Variants in GMDS observed in about 807,000 individuals in gnomAD.
GMDS encodes the protein GDP-mannose 4,6 dehydratase.
GMDS carries 20 observed loss-of-function variants against 49.9 expected under a neutral mutation model. The ratio of observed to expected loss-of-function variants is 0.40; its 90% CI spans 0.28 to 0.58. The LOEUF is 0.58. Among genes scored for constraint, GMDS ranks in the 20% least tolerant of loss-of-function variants. The pLI is 0.42. For synonymous variants in GMDS, 177 were observed against 178.6 expected, an observed-to-expected ratio of 0.99 and a Z score of 0.07; for missense variants, 362 against 481.4, an observed-to-expected ratio of 0.75 and a Z score of 2.32.
intron 4 of GMDS, among the ~76,000 whole-genome samples, chr6:2,047,469 A>C (rs1770090341): frequency 6.6e-6 from 1 of 152,220 alleles, no homozygotes; most frequent in Non-Finnish European, 1.5e-5. Flanking sequence ...AATTATATTC[A>C]AATAATTCAC....
At chr6:1,677,496 C>T (rs893481967) in intron 9 of GMDS, among the ~76,000 whole-genome samples, 3 of 152,056 alleles carry the variant, frequency 2.0e-5, no homozygotes, top group Admixed American at 6.6e-5. Flanking sequence ...CACATGCACA[C>T]GTATGTTTAT....
intron 4 of GMDS, among the ~76,000 whole-genome samples, chr6:2,100,661 A>T (rs181577166): frequency 1.3e-5 from 2 of 152,068 alleles, no homozygotes; most frequent in Non-Finnish European, 2.9e-5. Flanking sequence ...AACAAAATCT[A>T]TATCACTGAC....
intron 4 of GMDS, among the ~76,000 whole-genome samples, chr6:2,062,067 T>G (rs1321273035): frequency 6.6e-6 from 1 of 152,156 alleles, no homozygotes; most frequent in Non-Finnish European, 1.5e-5. Flanking sequence ...ATTCACTCAA[T>G]ATTTTCTTGA....
chr6:1,656,600 A>T (rs970943684), intron 9 of GMDS, among the ~76,000 whole-genome samples: 1 of 151,720 alleles, frequency 6.6e-6, no homozygotes, highest in Non-Finnish European at 1.5e-5. Context: ...CGTCTCTACT[A>T]AAAAAATACA....
intron 1 of GMDS, among the ~76,000 whole-genome samples, chr6:2,151,858 T>C (rs1018516518): frequency 3.3e-5 from 5 of 152,138 alleles, no homozygotes; most frequent in African/African-American, 1.2e-4. Context: ...AATGGGTATA[T>C]GATTTTTTCT....
chr6:2,106,224 C>G (rs1484781301), intron 4 of GMDS, among the ~76,000 whole-genome samples: 2 of 152,134 alleles, frequency 1.3e-5, no homozygotes, highest in Admixed American at 6.5e-5. Flanking sequence ...TTATTTCTTG[C>G]TGGCACTGGT....
intron 7 of GMDS, among the ~76,000 whole-genome samples, chr6:1,905,088 C>T (rs1760689803): frequency 6.6e-6 from 1 of 152,220 alleles, no homozygotes; most frequent in Non-Finnish European, 1.5e-5. Flanking sequence ...AACTCCATCC[C>T]AGCGACTTAC....
intron 8 of GMDS, among the ~76,000 whole-genome samples, chr6:1,734,491 C>T (rs543290822): frequency 7.9e-5 from 12 of 152,292 alleles, no homozygotes; most frequent in African/African-American, 2.4e-4. Context: ...ACAGATGGCA[C>T]GTGGGGAAGG....
chr6:1,730,189 G>A (rs1018093134), intron 8 of GMDS, among the ~76,000 whole-genome samples: 14 of 152,230 alleles, frequency 9.2e-5, no homozygotes, highest in African/African-American at 3.4e-4. Flanking sequence ...CATAAGGCAG[G>A]CCTGGAGGAA....
intron 4 of GMDS, among the ~76,000 whole-genome samples, chr6:2,066,568 G>A (rs1295167156): frequency 6.6e-6 from 1 of 151,928 alleles, no homozygotes; most frequent in Non-Finnish European, 1.5e-5. Flanking sequence ...AAAGGATGAA[G>A]ATCTACCAAG....
intron 8 of GMDS, among the ~76,000 whole-genome samples, chr6:1,737,990 AAC>A (rs776214670): frequency 1.6e-4 from 22 of 135,510 alleles, no homozygotes; most frequent in South Asian, 2.4e-4. Context: ...ACACACCACA[AAC>A]ACACCACACA....
At chr6:2,139,045 A>G in intron 1 of GMDS, among the ~76,000 whole-genome samples, 1 of 152,164 alleles carries the variant, frequency 6.6e-6, no homozygotes, top group East Asian at 1.9e-4. Flanking sequence ...TTAATTTTAT[A>G]TATCACTTAA....
chr6:1,990,036 C>G (rs1392700138), intron 4 of GMDS, among the ~76,000 whole-genome samples: 1 of 152,238 alleles, frequency 6.6e-6, no homozygotes, highest in African/African-American at 2.4e-5. Context: ...ATGGCTCACG[C>G]CTGTAATCCC....
chr6:2,156,019 TA>T (rs1188132051), intron 1 of GMDS, among the ~76,000 whole-genome samples: 5 of 152,310 alleles, frequency 3.3e-5, no homozygotes, highest in Admixed American at 2.6e-4. Context: ...ACTTGACTAT[TA>T]GGGTTACTTT....
chr6:1,696,361 G>A (rs1232958840), intron 9 of GMDS, among the ~76,000 whole-genome samples: 1 of 152,220 alleles, frequency 6.6e-6, no homozygotes, highest in Non-Finnish European at 1.5e-5. Context: ...CACACATGTT[G>A]CTAATCCTTG....
intron 9 of GMDS, among the ~76,000 whole-genome samples, chr6:1,647,130 G>A (rs1177277386): frequency 1.3e-5 from 2 of 152,224 alleles, no homozygotes; most frequent in Non-Finnish European, 2.9e-5. Context: ...TCCCCTCCCA[G>A]AGGAACCAGT....
chr6:1,960,118 G>T (rs1280223187), intron 5 of GMDS, 147 bp from the exon 6 acceptor site: 3 of 506,538 alleles, frequency 5.9e-6, no homozygotes, highest in East Asian at 3.2e-5. Context: ...CGAAATAAAG[G>T]TTATTACACC....
intron 7 of GMDS, among the ~76,000 whole-genome samples, chr6:1,885,963 G>A (rs1429793909): frequency 6.6e-6 from 1 of 152,172 alleles, no homozygotes; most frequent in Non-Finnish European, 1.5e-5. Context: ...CTGTAGAAAC[G>A]TGAAGGGCAG....
intron 9 of GMDS, among the ~76,000 whole-genome samples, chr6:1,698,386 G>A (rs1292535587): frequency 2.0e-5 from 3 of 152,166 alleles, no homozygotes; most frequent in Admixed American, 1.3e-4. Flanking sequence ...TCCTCCACCC[G>A]TGTGGTCCAA....
Sources: allele counts gnomAD v4.1 joint callset (sites outside exome capture counted in the v4.1 genomes callset), GRCh38; gene constraint gnomAD v4.1.1; transcripts MANE v1.5; gene names NCBI Gene and HGNC (gene_info 2026-07-23, HGNC 2026-07-21).